SMIM36: variants seen among roughly 807,000 people sequenced by gnomAD.
The protein encoded by SMIM36 is small integral membrane protein 36.
intron 1 of SMIM36, among the ~76,000 whole-genome samples, chr17:55,490,844 A>G (rs6504966): frequency 0.79 from 119,775 of 151,942 alleles, 47,665 homozygotes; most frequent in Middle Eastern, 0.83. Flanking sequence ...CAACAAAATG[A>G]TATAGTATAA....
the SMIM36 span, among the ~76,000 whole-genome samples, chr17:55,529,086 C>G: frequency 6.6e-6 from 1 of 152,118 alleles, no homozygotes; most frequent in East Asian, 1.9e-4. Flanking sequence ...CTGGGTCTGT[C>G]TAGCACCAAC....
intron 1 of SMIM36, among the ~76,000 whole-genome samples, chr17:55,496,973 TA>T (rs2144713000): frequency 6.6e-6 from 1 of 152,306 alleles, no homozygotes; most frequent in East Asian, 1.9e-4. Flanking sequence ...TCAGGAAGAT[TA>T]AATGAGGTGT....
chr17:55,487,338 A>G (rs1399596517), intron 1 of SMIM36, among the ~76,000 whole-genome samples: 1 of 152,192 alleles, frequency 6.6e-6, no homozygotes, highest in African/African-American at 2.4e-5. Context: ...GTACCCTATA[A>G]CTTAGAGTAT....
chr17:55,487,025 G>A (rs1909618755), intron 1 of SMIM36, among the ~76,000 whole-genome samples: 2 of 152,186 alleles, frequency 1.3e-5, no homozygotes, highest in Admixed American at 1.3e-4. Context: ...CTCTGGCTGC[G>A]AGTTGCTTAT....
At chr17:55,473,806 C>T (rs1030069221) in intron 3 of SMIM36, among the ~76,000 whole-genome samples, 1 of 152,038 alleles carries the variant, frequency 6.6e-6, no homozygotes, top group Admixed American at 6.6e-5. Flanking sequence ...GGGAGACCAC[C>T]CCTCATATTG....
At chr17:55,502,039 G>A (rs1473837238) in intron 1 of SMIM36, among the ~76,000 whole-genome samples, 2 of 151,934 alleles carry the variant, frequency 1.3e-5, no homozygotes, top group East Asian at 3.9e-4. Flanking sequence ...GGCGCACCAC[G>A]AGACTATATC....
At chr17:55,502,477 A>G (rs1910010739) in intron 1 of SMIM36, among the ~76,000 whole-genome samples, 1 of 108,532 alleles carries the variant, frequency 9.2e-6, no homozygotes. Context: ...GACACCTCAC[A>G]CGGCAGGGTA....
At chr17:55,501,430 AT>A (rs1909972284) in intron 1 of SMIM36, among the ~76,000 whole-genome samples, 2 of 65,820 alleles carry the variant, frequency 3.0e-5, no homozygotes, top group East Asian at 6.3e-4. Context: ...ATAATATATT[AT>A]TATATATTAT....
upstream of SMIM36, among the ~76,000 whole-genome samples, chr17:55,514,115 G>A (rs1282856221): frequency 6.6e-6 from 1 of 151,958 alleles, no homozygotes; most frequent in African/African-American, 2.4e-5. Context: ...ATTAACCTGG[G>A]TGGCTCCTTT....
intron 4 of SMIM36, among the ~76,000 whole-genome samples, chr17:55,453,159 T>C (rs1908952719): frequency 6.6e-6 from 1 of 152,162 alleles, no homozygotes; most frequent in African/African-American, 2.4e-5. Flanking sequence ...CACAACAAAA[T>C]TTTTAAATTA....
the SMIM36 span, among the ~76,000 whole-genome samples, chr17:55,529,429 C>A: frequency 1.3e-5 from 2 of 152,060 alleles, no homozygotes; most frequent in African/African-American, 4.8e-5. Flanking sequence ...TCAAGAACAG[C>A]CTGGGTGACA....
chr17:55,494,853 A>G (rs1365507038), intron 1 of SMIM36, among the ~76,000 whole-genome samples: 1 of 152,232 alleles, frequency 6.6e-6, no homozygotes, highest in Non-Finnish European at 1.5e-5. Context: ...CTTCACTGAC[A>G]GGAATGCACG....
intron 3 of SMIM36, among the ~76,000 whole-genome samples, chr17:55,470,601 G>T (rs566950377): frequency 6.6e-6 from 1 of 152,148 alleles, no homozygotes; most frequent in Non-Finnish European, 1.5e-5. Context: ...CCCTTATTAG[G>T]TTGAGACATT....
intron 3 of SMIM36, among the ~76,000 whole-genome samples, chr17:55,476,410 C>T (rs1909426995): frequency 6.6e-6 from 1 of 152,136 alleles, no homozygotes; most frequent in South Asian, 2.1e-4. Flanking sequence ...ACCCCATCTC[C>T]CTTTGCTGAC....
At chr17:55,487,343 G>C (rs777026975) in intron 1 of SMIM36, among the ~76,000 whole-genome samples, 1 of 152,120 alleles carries the variant, frequency 6.6e-6, no homozygotes, top group African/African-American at 2.4e-5. Context: ...CTATAACTTA[G>C]AGTATCATAA....
intron 1 of SMIM36, among the ~76,000 whole-genome samples, chr17:55,495,266 C>G (rs1909788566): frequency 6.6e-6 from 1 of 152,162 alleles, no homozygotes; most frequent in South Asian, 2.1e-4. Flanking sequence ...CTTCAACTCA[C>G]CCTCTGTATA....
the SMIM36 span, among the ~76,000 whole-genome samples, chr17:55,530,700 T>C: frequency 6.6e-6 from 1 of 152,036 alleles, no homozygotes; most frequent in African/African-American, 2.4e-5. Flanking sequence ...GGAGAATCAC[T>C]TGAACCCAGG....
upstream of SMIM36, chr17:55,511,552 G>A: frequency 3.0e-6 from 1 of 328,884 alleles, no homozygotes; most frequent in Non-Finnish European, 5.5e-6. Flanking sequence ...CACAGAAGCT[G>A]TCTGTCATCA....
intron 3 of SMIM36, among the ~76,000 whole-genome samples, chr17:55,478,528 C>T (rs1178626520): frequency 2.0e-5 from 3 of 152,124 alleles, no homozygotes; most frequent in Admixed American, 6.5e-5. Context: ...CCACACCTGG[C>T]CTATTCCTTA....
Sources: allele counts gnomAD v4.1 joint callset (sites outside exome capture counted in the v4.1 genomes callset), GRCh38; gene constraint gnomAD v4.1.1; transcripts MANE v1.5; gene names NCBI Gene and HGNC (gene_info 2026-07-23, HGNC 2026-07-21).